The following FBXW10B variants were observed in gnomAD, a reference collection of about 807,000 sequenced individuals.
FBXW10B encodes F-box and WD repeat domain containing protein 10B.
At chr17:15,601,914 C>T in the FBXW10B span, among the ~76,000 whole-genome samples, 1 of 152,082 alleles carries the variant, frequency 6.6e-6, no homozygotes, top group South Asian at 2.1e-4. Flanking sequence ...AGATCGAGAC[C>T]ATCCTGGCTA....
the FBXW10B span, among the ~76,000 whole-genome samples, chr17:15,580,288 T>C: frequency 6.9e-3 from 1,044 of 152,304 alleles, 5 homozygotes; most frequent in African/African-American, 0.014. Context: ...TTTGCAATAT[T>C]ATCACACCTT....
chr17:15,596,612 G>C, the FBXW10B span: 1 of 1,613,216 alleles, frequency 6.2e-7, no homozygotes, highest in South Asian at 1.1e-5. Context: ...GCCAAGATGG[G>C]GTCTTTGTGT....
chr17:15,589,593 T>C, the FBXW10B span, among the ~76,000 whole-genome samples: 2 of 150,802 alleles, frequency 1.3e-5, no homozygotes, highest in African/African-American at 5.0e-5. Context: ...AGTAAAACTA[T>C]TGAAAGATTC....
chr17:15,604,493 G>A, the FBXW10B span, among the ~76,000 whole-genome samples: 14 of 152,110 alleles, frequency 9.2e-5, no homozygotes, highest in Admixed American at 3.3e-4. Context: ...AGTAATGGAC[G>A]CATGAGTGTT....
the FBXW10B span, among the ~76,000 whole-genome samples, chr17:15,579,776 A>G: frequency 6.6e-6 from 1 of 152,264 alleles, no homozygotes; most frequent in African/African-American, 2.4e-5. Context: ...GGTAATTTAA[A>G]TTACATTTAT....
chr17:15,593,873 C>G, the FBXW10B span, among the ~76,000 whole-genome samples: 1,990 of 152,214 alleles, frequency 0.013, 31 homozygotes, highest in African/African-American at 0.045. Context: ...AGGTGATCCA[C>G]CTACCTTGGC....
the FBXW10B span, chr17:15,619,398 A>T: frequency 6.2e-7 from 1 of 1,613,898 alleles, no homozygotes; most frequent in East Asian, 2.2e-5. Flanking sequence ...TTGGTAGAGA[A>T]GATCTTCCAG....
At chr17:15,611,149 G>A in the FBXW10B span, among the ~76,000 whole-genome samples, 1 of 150,488 alleles carries the variant, frequency 6.6e-6, no homozygotes, top group East Asian at 2.0e-4. Context: ...TCAGCCTCCC[G>A]AGTAGATGGG....
At chr17:15,580,453 G>T in the FBXW10B span, among the ~76,000 whole-genome samples, 1 of 147,762 alleles carries the variant, frequency 6.8e-6, no homozygotes, top group Non-Finnish European at 1.5e-5. Context: ...TTTTGTATGT[G>T]ATCAATCTAG....
At chr17:15,575,101 A>G in the FBXW10B span, among the ~76,000 whole-genome samples, 1 of 134,886 alleles carries the variant, frequency 7.4e-6, no homozygotes, top group South Asian at 2.2e-4. Flanking sequence ...GGACAGCAGG[A>G]GACAAGTGGT....
At chr17:15,589,903 A>T in the FBXW10B span, among the ~76,000 whole-genome samples, 1 of 152,154 alleles carries the variant, frequency 6.6e-6, no homozygotes, top group Non-Finnish European at 1.5e-5. Flanking sequence ...CTTTACCATG[A>T]TTGTCTCTTA....
chr17:15,585,027 G>T, the FBXW10B span, among the ~76,000 whole-genome samples: 2 of 131,006 alleles, frequency 1.5e-5, no homozygotes, highest in Admixed American at 8.2e-5. Context: ...ATGTTTATCA[G>T]CCACATTTTT....
chr17:15,591,029 C>T, the FBXW10B span, among the ~76,000 whole-genome samples: 1 of 152,038 alleles, frequency 6.6e-6, no homozygotes, highest in Admixed American at 6.5e-5. Flanking sequence ...CAGTCCCAGG[C>T]CATGGAGAAC....
chr17:15,590,783 C>T, the FBXW10B span, among the ~76,000 whole-genome samples: 1 of 151,976 alleles, frequency 6.6e-6, no homozygotes, highest in African/African-American at 2.4e-5. Flanking sequence ...GAGTATCCCC[C>T]TTCCTCAAGG....
the FBXW10B span, among the ~76,000 whole-genome samples, chr17:15,603,917 CA>C: frequency 0.15 from 17,254 of 113,696 alleles, 3,194 homozygotes; most frequent in African/African-American, 0.42. Context: ...CTAAAAAATA[CA>C]AAAAAAAAAA....
chr17:15,591,295 T>C, the FBXW10B span, among the ~76,000 whole-genome samples: 2 of 152,026 alleles, frequency 1.3e-5, no homozygotes, highest in East Asian at 1.9e-4. Flanking sequence ...TTTAAAATCA[T>C]TTTTTTTCTT....
the FBXW10B span, among the ~76,000 whole-genome samples, chr17:15,576,984 A>G: frequency 7.1e-6 from 1 of 141,764 alleles, no homozygotes. Flanking sequence ...AAGCAAATGT[A>G]AACATTTTGT....
chr17:15,586,691 G>A, the FBXW10B span, among the ~76,000 whole-genome samples: 1 of 151,358 alleles, frequency 6.6e-6, no homozygotes, highest in Non-Finnish European at 1.5e-5. Flanking sequence ...AGAAAGGCAA[G>A]GAATGTGTGT....
the FBXW10B span, chr17:15,566,356 G>C: frequency 9.5e-6 from 13 of 1,369,808 alleles, 4 homozygotes; most frequent in Non-Finnish European, 9.5e-6. Flanking sequence ...CGCATCATCT[G>C]CTTTTTCAAA....
Sources: gnomAD v4.1 joint callset for allele counts (sites outside exome capture counted in the v4.1 genomes callset) on GRCh38, gnomAD v4.1.1 for gene constraint, MANE v1.5 for transcripts, NCBI Gene and HGNC (gene_info 2026-07-23, HGNC 2026-07-21) for gene names.